KAT6B: variants seen among roughly 807,000 people sequenced by gnomAD.
KAT6B encodes the protein histone acetyltransferase KAT6B.
Under a neutral mutation model 187.5 loss-of-function variants are expected in KAT6B, and 10 were observed. That is an observed-to-expected ratio of 0.05 (90% CI 0.03 to 0.09). The LOEUF is 0.09. KAT6B is among the 10% of genes least tolerant of loss of function. KAT6B has a pLI of 1.00. For synonymous variants in KAT6B, 861 were observed against 926.8 expected (o/e 0.93, Z 1.29); for missense variants, 1,952 against 2,558.9 (o/e 0.76, Z 5.12).
intron 3 of KAT6B, among the ~76,000 whole-genome samples, chr10:74,906,631 G>A (rs1305602569): frequency 6.6e-6 from 1 of 152,116 alleles, no homozygotes. Flanking sequence ...TATCTACTTT[G>A]AAATCACCAC....
intron 3 of KAT6B, among the ~76,000 whole-genome samples, chr10:74,946,638 A>G (rs761867530): frequency 6.6e-6 from 1 of 151,796 alleles, no homozygotes; most frequent in Non-Finnish European, 1.5e-5. Context: ...TAAAAAAATC[A>G]TAGTGTCTGA....
At chr10:74,888,340 T>C (rs1845431460) in intron 3 of KAT6B, among the ~76,000 whole-genome samples, 1 of 151,748 alleles carries the variant, frequency 6.6e-6, no homozygotes, top group Non-Finnish European at 1.5e-5. Flanking sequence ...TAGGAGAAAA[T>C]AGACCATGTG....
intron 3 of KAT6B, among the ~76,000 whole-genome samples, chr10:74,933,375 A>G (rs1181079891): frequency 6.6e-6 from 1 of 152,166 alleles, no homozygotes; most frequent in Non-Finnish European, 1.5e-5. Flanking sequence ...GTGGTGTTCG[A>G]AGAGATGTAG....
chr10:74,920,069 T>G (rs1847999999), intron 3 of KAT6B, among the ~76,000 whole-genome samples: 1 of 152,222 alleles, frequency 6.6e-6, no homozygotes, highest in Non-Finnish European at 1.5e-5. Context: ...CTCATGGTGT[T>G]TGTTTTTTCC....
chr10:75,028,902 G>A lies in KAT6B; in HGVS notation c.4078G>A (p.Glu1360Lys), dbSNP rs1440889839. 2.6e-6 allele frequency: 4 copies of A among 1,565,066 alleles called. No individual in the cohort carries two copies. The highest frequency in any genetic ancestry group is 3.5e-6 in the Non-Finnish European group (4 of 1,144,800). The change falls in exon 18 of 18, where the codon GAA becomes AAA. Residue 1360 changes from glutamate (E) to lysine (K), a missense_variant. Coordinates refer to ENST00000287239, the MANE Select transcript of KAT6B (RefSeq NM_012330.4). ...PEEEEEEEEE[E>K]EEEEEEEEGE... ...GGAAGAGGAAGAGGAGGAGGAGGAG[G>A]AAGAGGAAGAAGAGGAAGAAGAGGA... is the stretch of plus-strand genomic sequence containing the variant.
chr10:74,950,023 G>A (rs1840210781), intron 3 of KAT6B, among the ~76,000 whole-genome samples: 1 of 151,970 alleles, frequency 6.6e-6, no homozygotes, highest in Non-Finnish European at 1.5e-5. Flanking sequence ...GAGCTCGGGG[G>A]GATGATATAG....
At position 74,843,438 on chromosome 10, in the gene KAT6B, C is replaced by T. The variant is rs760824486; in HGVS notation, c.581C>T (p.Ser194Leu). 1.9e-5 allele frequency: 30 copies of T among 1,613,830 alleles called. No homozygotes were observed. Among genetic ancestry groups the T allele is most frequent in the African/African-American group, 8.0e-5 (6 of 74,900 alleles). ...APQYPSAFPS[S>L]LPPVSLLPHE... ...CAGTATCCCAGTGCATTCCCATCCTCGCTCCCACCTGTCAGCCTTCTACCC... is the reference window on the plus strand; with the variant it reads ...CAGTATCCCAGTGCATTCCCATCCTTGCTCCCACCTGTCAGCCTTCTACCC... The change falls in exon 3 of 18, where the codon TCG becomes TTG. Residue 194 changes from serine to leucine, a missense_variant. Transcript: ENST00000287239.
intron 3 of KAT6B, among the ~76,000 whole-genome samples, chr10:74,856,207 T>G (rs912190411): frequency 2.6e-5 from 4 of 152,162 alleles, no homozygotes; most frequent in African/African-American, 9.7e-5. Flanking sequence ...TGCCTCAGCC[T>G]CCCGAGCAGC....
chr10:75,030,228 G>C lies in KAT6B; in HGVS notation c.5404G>C (p.Asp1802His). ...IGLYERMGQS[D>H]FGAGHYPQPS... is the part of the protein sequence containing the mutation. Reference sequence around the variant, plus strand: ...CTTATACGAGCGAATGGGTCAGAGTGATTTTGGGGCTGGGCATTACCCGCA... The same window carrying C: ...CTTATACGAGCGAATGGGTCAGAGTCATTTTGGGGCTGGGCATTACCCGCA... The change falls in exon 18 of 18, where the codon GAT becomes CAT. Residue 1802 changes from aspartate to histidine, a missense_variant. Physicochemically the swap from Asp to His is moderately conservative, Grantham distance 81 (BLOSUM62 -1). Around this residue, in one of 9 missense-constraint regions of KAT6B, gnomAD observed 358 missense variants for 436.3 expected, o/e 0.82. Transcript: ENST00000287239. This position sits in a 1 kb window ranked among gnomAD's most constrained non-coding sequence, Gnocchi z 4.8. 1 of 1,614,216 alleles carries C rather than the reference G, an allele frequency of 6.2e-7. No individual in the cohort carries two copies. Among genetic ancestry groups the C allele is most frequent in the Non-Finnish European group, 8.5e-7 (1 of 1,180,032 alleles).
intron 7 of KAT6B, among the ~76,000 whole-genome samples, chr10:74,973,505 T>C (rs1841972431): frequency 6.6e-6 from 1 of 152,176 alleles, no homozygotes; most frequent in African/African-American, 2.4e-5. Flanking sequence ...GGAGAAAGAA[T>C]ACATGCTCTG....
chr10:74,922,196 A>G (rs1185926114), intron 3 of KAT6B, among the ~76,000 whole-genome samples: 1 of 152,218 alleles, frequency 6.6e-6, no homozygotes, highest in African/African-American at 2.4e-5. Flanking sequence ...ATTTTAAAGC[A>G]TGTTTGAATA....
Position 75,025,217 on chromosome 10 carries a change from A to T in KAT6B, c.3632A>T (p.Asn1211Ile), listed in dbSNP as rs1446113975. Residue 1211 changes from asparagine (N) to isoleucine (I), a missense_variant, in exon 17 of 18, where the codon AAT becomes ATT. Physicochemically the swap from Asn to Ile is moderately radical, Grantham distance 149. Coordinates refer to ENST00000287239, the MANE Select transcript of KAT6B (RefSeq NM_012330.4). ...RQTEEEEGKDNHCFKNADPCR... is the reference protein window; with the variant it reads ...RQTEEEEGKDIHCFKNADPCR... ...ACAGAGGAAGAGGAAGGAAAAGACA[A>T]TCATTGCTTCAAGAATGCTGACCCT... is the stretch of plus-strand genomic sequence containing the variant. 12 of 1,614,086 alleles carry T rather than the reference A, an allele frequency of 7.4e-6. No individual in the cohort carries two copies. Among genetic ancestry groups the T allele is most frequent in the Non-Finnish European group, 9.3e-6 (11 of 1,180,032 alleles).
intron 3 of KAT6B, among the ~76,000 whole-genome samples, chr10:74,886,703 C>T (rs988034389): frequency 6.6e-6 from 1 of 152,186 alleles, no homozygotes; most frequent in Non-Finnish European, 1.5e-5. Flanking sequence ...CTTACCTGCC[C>T]ATTAAGTGCT....
At chr10:74,880,930 C>CTCTTTTTTTT (rs1554821418) in intron 3 of KAT6B, among the ~76,000 whole-genome samples, 2,915 of 144,484 alleles carry the variant, frequency 0.02, 110 homozygotes, top group African/African-American at 0.07. Flanking sequence ...CTTACTCTCT[C>CTCTTTTTTTT]TTTTTTTTTT....
chr10:74,922,753 C>A (rs1438019440), intron 3 of KAT6B, among the ~76,000 whole-genome samples: 1 of 152,124 alleles, frequency 6.6e-6, no homozygotes, highest in Non-Finnish European at 1.5e-5. Context: ...GTATTACAGG[C>A]CCCATGGTAA....
At chr10:74,862,896 A>G (rs1002962255) in intron 3 of KAT6B, among the ~76,000 whole-genome samples, 8 of 152,162 alleles carry the variant, frequency 5.3e-5, no homozygotes, top group Admixed American at 5.2e-4. Flanking sequence ...CCACTCTGCC[A>G]TACTGTTTGG....
At chr10:74,872,439 G>A (rs1047519753) in intron 3 of KAT6B, among the ~76,000 whole-genome samples, 2 of 152,068 alleles carry the variant, frequency 1.3e-5, no homozygotes, top group Non-Finnish European at 2.9e-5. Context: ...GCAGTGACAC[G>A]ATCTCGGCTC....
intron 13 of KAT6B, among the ~76,000 whole-genome samples, chr10:75,000,264 A>G (rs1048657412): frequency 6.6e-6 from 1 of 151,256 alleles, no homozygotes; most frequent in Non-Finnish European, 1.5e-5. Context: ...AGTTGTCTTT[A>G]TTTTTAAGCT....
intron 3 of KAT6B, among the ~76,000 whole-genome samples, chr10:74,897,395 C>G (rs573475705): frequency 2.0e-5 from 3 of 152,290 alleles, no homozygotes; most frequent in South Asian, 4.1e-4. Context: ...TGTTTTCTGC[C>G]TGGGGAAGAA....
Sources: allele counts gnomAD v4.1 joint callset (sites outside exome capture counted in the v4.1 genomes callset), GRCh38; gene constraint gnomAD v4.1.1; regional missense constraint gnomAD v4.1.1; non-coding constraint Gnocchi (gnomAD v3.1); transcripts MANE v1.5; gene names NCBI Gene and HGNC (gene_info 2026-07-23, HGNC 2026-07-21).